The following RPS6KC1 variants were observed in gnomAD, a reference collection of about 807,000 sequenced individuals.
The protein encoded by RPS6KC1 is inactive ribosomal protein S6 kinase delta-1.
A neutral mutation model predicts 103.8 loss-of-function variants in RPS6KC1; 54 were observed. That is an observed-to-expected ratio of 0.52 (90% CI 0.42 to 0.65). The LOEUF (loss-of-function observed/expected upper bound fraction) is 0.65. RPS6KC1 is among the 30% of genes least tolerant of loss of function. The probability of loss-of-function intolerance (pLI) is 0.00; values close to 1 mark genes in which losing one functional copy is unlikely to be tolerated. For missense variants in RPS6KC1, 1,151 were observed against 1,253.8 expected, an observed-to-expected ratio of 0.92 and a Z score of 1.24; for synonymous variants, 439 against 438.7, an observed-to-expected ratio of 1.00 and a Z score of -0.01.
At chr1:213,426,441 A>C in the RPS6KC1 span, among the ~76,000 whole-genome samples, 2 of 152,272 alleles carry the variant, frequency 1.3e-5, no homozygotes, top group South Asian at 2.1e-4. Context: ...GTGCAGACTC[A>C]AGTGAGTTTT....
the RPS6KC1 span, among the ~76,000 whole-genome samples, chr1:213,729,190 A>G: frequency 2.6e-5 from 4 of 152,148 alleles, no homozygotes; most frequent in African/African-American, 9.6e-5. Flanking sequence ...TTTCCCTAGG[A>G]GCCAGAGTCA....
the RPS6KC1 span, among the ~76,000 whole-genome samples, chr1:213,652,741 C>A: frequency 6.6e-6 from 1 of 152,168 alleles, no homozygotes; most frequent in African/African-American, 2.4e-5. Context: ...CAGCCAGGAG[C>A]CTGTCTGTAC....
At chr1:213,232,030 ATTAGT>A in intron 9 of RPS6KC1, 88 bp from the exon 10 acceptor site, 1 of 1,487,926 alleles carries the variant, frequency 6.7e-7, no homozygotes, top group East Asian at 2.4e-5. Flanking sequence ...ACTCGGATAG[ATTAGT>A]TTGGTTGATA....
intron 14 of RPS6KC1, among the ~76,000 whole-genome samples, chr1:213,268,755 T>A (rs1057005856): frequency 6.6e-6 from 1 of 151,530 alleles, no homozygotes; most frequent in African/African-American, 2.4e-5. Context: ...TTAAAGTTAC[T>A]ATTATTTTGA....
chr1:213,657,020 C>A, the RPS6KC1 span, among the ~76,000 whole-genome samples: 1 of 151,986 alleles, frequency 6.6e-6, no homozygotes, highest in South Asian at 2.1e-4. Context: ...CAGGTGAAAC[C>A]GTGTGGGCTG....
At chr1:213,553,816 T>A in the RPS6KC1 span, among the ~76,000 whole-genome samples, 2 of 152,208 alleles carry the variant, frequency 1.3e-5, no homozygotes, top group Non-Finnish European at 2.9e-5. Context: ...TTGCTTGCTG[T>A]GTGTATAACT....
At chr1:213,649,324 A>C in the RPS6KC1 span, among the ~76,000 whole-genome samples, 4 of 147,924 alleles carry the variant, frequency 2.7e-5, no homozygotes, top group Non-Finnish European at 5.9e-5. Context: ...TCTTCCTCCC[A>C]TTGGCGGACA....
chr1:213,079,805 C>T (rs11120086), intron 3 of RPS6KC1, among the ~76,000 whole-genome samples: 4,195 of 151,980 alleles, frequency 0.028, 185 homozygotes, highest in African/African-American at 0.096. Context: ...AACAAGTTTC[C>T]TGCTCCTTCC....
At chr1:213,363,615 TTG>T in the RPS6KC1 span, among the ~76,000 whole-genome samples, 5 of 85,358 alleles carry the variant, frequency 5.9e-5, no homozygotes, top group African/African-American at 1.3e-4. Context: ...GCTTGCTTGC[TTG>T]CTTGCTTGCT....
chr1:213,265,094 T>C (rs1447877232), intron 14 of RPS6KC1, among the ~76,000 whole-genome samples: 1 of 152,182 alleles, frequency 6.6e-6, no homozygotes, highest in Non-Finnish European at 1.5e-5. Context: ...ATTGCTCAGC[T>C]CTGTTGCCTA....
intron 12 of RPS6KC1, among the ~76,000 whole-genome samples, chr1:213,243,284 AAT>A (rs923578342): frequency 1.1e-4 from 4 of 36,078 alleles, no homozygotes; most frequent in African/African-American, 3.0e-4. Flanking sequence ...TAATTAAAAA[AAT>A]TTTTTTTTTT....
the RPS6KC1 span, among the ~76,000 whole-genome samples, chr1:213,566,437 G>GTT: frequency 2.1e-5 from 1 of 48,520 alleles, no homozygotes. Flanking sequence ...TCAGCCTTTA[G>GTT]TTTTTTTTTT....
At chr1:213,171,464 T>A (rs183406871) in intron 7 of RPS6KC1, among the ~76,000 whole-genome samples, 157 of 152,256 alleles carry the variant, frequency 1.0e-3, no homozygotes, top group African/African-American at 3.8e-3. Context: ...TTTTTAGCTA[T>A]AGGAATTTGA....
chr1:213,780,565 C>T, the RPS6KC1 span, among the ~76,000 whole-genome samples: 2 of 152,218 alleles, frequency 1.3e-5, no homozygotes, highest in Admixed American at 6.5e-5. Context: ...AAGAAGAATT[C>T]TCTTCTTATA....
chr1:213,425,444 C>T, the RPS6KC1 span, among the ~76,000 whole-genome samples: 1 of 152,166 alleles, frequency 6.6e-6, no homozygotes, highest in African/African-American at 2.4e-5. Context: ...ATCTGCAACT[C>T]GGCACTTGTT....
At chr1:213,199,515 C>T (rs1418513122) in intron 8 of RPS6KC1, among the ~76,000 whole-genome samples, 1 of 152,138 alleles carries the variant, frequency 6.6e-6, no homozygotes, top group Non-Finnish European at 1.5e-5. Flanking sequence ...TACGAGCCAT[C>T]CATGACAAAC....
the RPS6KC1 span, among the ~76,000 whole-genome samples, chr1:213,612,283 G>T: frequency 1.3e-5 from 2 of 152,326 alleles, no homozygotes; most frequent in Admixed American, 1.3e-4. Context: ...AGTCTGCAGG[G>T]TTCAATTAGA....
chr1:213,572,844 G>A, the RPS6KC1 span, among the ~76,000 whole-genome samples: 16 of 152,186 alleles, frequency 1.1e-4, no homozygotes, highest in African/African-American at 3.9e-4. Flanking sequence ...TGTAGCAAAT[G>A]TCTTCTCATT....
chr1:213,417,984 G>T, the RPS6KC1 span, among the ~76,000 whole-genome samples: 2 of 152,274 alleles, frequency 1.3e-5, no homozygotes, highest in South Asian at 4.2e-4. Flanking sequence ...ACTGTCAGGG[G>T]TCCCGGCCAC....
Sources: allele counts gnomAD v4.1 joint callset (sites outside exome capture counted in the v4.1 genomes callset), GRCh38; gene constraint gnomAD v4.1.1; transcripts MANE v1.5; gene names NCBI Gene and HGNC (gene_info 2026-07-23, HGNC 2026-07-21).